The following MSRA variants were observed in gnomAD, a reference collection of about 807,000 sequenced individuals.
MSRA encodes methionine sulfoxide reductase A.
A neutral mutation model predicts 31.3 loss-of-function variants in MSRA; 54 were observed. The observed-to-expected ratio is 1.73, with a 90% confidence interval of 1.39 to 2.17. The LOEUF (loss-of-function observed/expected upper bound fraction) is 2.17, where lower values mean the gene tolerates loss of function less well. MSRA is among the 30% of genes most tolerant of loss of function. The pLI, the probability that MSRA is intolerant of heterozygous loss-of-function variation, is 0.00. For missense variants in MSRA, 507 were observed against 300.9 expected (o/e 1.69, Z -5.07); for synonymous variants, 169 against 116.5 (o/e 1.45, Z -2.90).
intron 1 of MSRA, among the ~76,000 whole-genome samples, chr8:10,185,199 CTG>C (rs146669157): frequency 0.02 from 3,067 of 152,268 alleles, 91 homozygotes; most frequent in African/African-American, 0.068. Flanking sequence ...CAATTGGTGA[CTG>C]AGGGACAGCT....
chr8:10,198,115 G>A (rs982510341), intron 1 of MSRA, among the ~76,000 whole-genome samples: 38 of 151,198 alleles, frequency 2.5e-4, no homozygotes, highest in African/African-American at 9.0e-4. Flanking sequence ...GTTGCTTTCA[G>A]TTTTTTTTTC....
At chr8:10,267,052 G>A (rs1585316362) in intron 3 of MSRA, among the ~76,000 whole-genome samples, 1 of 152,182 alleles carries the variant, frequency 6.6e-6, no homozygotes, top group Non-Finnish European at 1.5e-5. Flanking sequence ...GAACATGGAT[G>A]GAGCAAGAAG....
At chr8:10,173,032 GAA>G (rs1805734698) in intron 1 of MSRA, among the ~76,000 whole-genome samples, 1 of 152,228 alleles carries the variant, frequency 6.6e-6, no homozygotes, top group South Asian at 2.1e-4. Flanking sequence ...TAGGTGGAGA[GAA>G]AGAGAAAGCA....
intron 1 of MSRA, among the ~76,000 whole-genome samples, chr8:10,144,363 C>T (rs921031655): frequency 1.3e-5 from 2 of 151,784 alleles, no homozygotes; most frequent in Non-Finnish European, 2.9e-5. Flanking sequence ...TTTTGAACCT[C>T]TCTGAGTTTC....
chr8:10,352,424 C>A (rs957991710), intron 5 of MSRA, among the ~76,000 whole-genome samples: 37 of 152,062 alleles, frequency 2.4e-4, no homozygotes, highest in Non-Finnish European at 2.9e-5. Context: ...CAGCTTGGGG[C>A]AGGGCAGCAG....
At chr8:10,316,346 C>G (rs1270504054) in intron 4 of MSRA, among the ~76,000 whole-genome samples, 3 of 152,134 alleles carry the variant, frequency 2.0e-5, no homozygotes, top group Non-Finnish European at 4.4e-5. Flanking sequence ...GGCAACCAGC[C>G]TCTCTCTGAG....
chr8:10,353,317 C>T (rs745570619), intron 5 of MSRA, among the ~76,000 whole-genome samples: 13 of 152,186 alleles, frequency 8.5e-5, no homozygotes, highest in East Asian at 3.8e-4. Flanking sequence ...TTCTGTTTAG[C>T]GCACTCACCA....
Position 10,404,318 on chromosome 8 carries a change from A to G in MSRA, c.544-23830A>G, listed in dbSNP as rs989700205. Among the ~76,000 whole-genome samples the G allele has an allele frequency of 1.8e-4, 27 of 152,176 alleles. 1 individual carries two copies. Among genetic ancestry groups the G allele is most frequent in the Middle Eastern group, 3.4e-3 (1 of 294 alleles). On this transcript the variant is annotated intron_variant, in intron 5 of 5. Transcript: ENST00000317173. ...CCCTGGAATCTTTCTTTTCCTGACAACACTAGATGCCTTTCTCCCCAGCCC... is the reference window on the plus strand; with the variant it reads ...CCCTGGAATCTTTCTTTTCCTGACAGCACTAGATGCCTTTCTCCCCAGCCC...
At chr8:10,348,677 C>T (rs1485383243) in intron 5 of MSRA, among the ~76,000 whole-genome samples, 1 of 152,080 alleles carries the variant, frequency 6.6e-6, no homozygotes, top group East Asian at 1.9e-4. Context: ...CCTGGCTTTT[C>T]TTTAGTAGAA....
intron 1 of MSRA, among the ~76,000 whole-genome samples, chr8:10,190,168 G>A (rs1289983642): frequency 6.6e-6 from 1 of 152,142 alleles, no homozygotes. Flanking sequence ...GGGGGTCATT[G>A]CTGGAGGAAG....
At chr8:10,285,078 C>T (rs908134722) in intron 3 of MSRA, among the ~76,000 whole-genome samples, 2 of 151,804 alleles carry the variant, frequency 1.3e-5, no homozygotes, top group Non-Finnish European at 2.9e-5. Flanking sequence ...TACTAACAGC[C>T]ATTTTTAAGT....
chr8:10,324,516 C>T (rs555934118), intron 5 of MSRA, among the ~76,000 whole-genome samples: 2 of 152,266 alleles, frequency 1.3e-5, no homozygotes, highest in South Asian at 4.2e-4. Context: ...GCCTGGAGAC[C>T]ACAGCATGAG....
intron 1 of MSRA, among the ~76,000 whole-genome samples, chr8:10,116,661 A>G (rs1002068286): frequency 2.6e-5 from 4 of 152,150 alleles, no homozygotes; most frequent in African/African-American, 7.2e-5. Context: ...CACACTGGTC[A>G]TTGTAGATTT....
intron 3 of MSRA, among the ~76,000 whole-genome samples, chr8:10,296,368 C>T (rs192172037): frequency 1.3e-5 from 2 of 152,264 alleles, no homozygotes; most frequent in Admixed American, 1.3e-4. Context: ...CAATAGAAAC[C>T]TCGTGTTTGT....
intron 3 of MSRA, among the ~76,000 whole-genome samples, chr8:10,288,271 A>G (rs533957453): frequency 6.6e-6 from 1 of 152,044 alleles, no homozygotes; most frequent in Non-Finnish European, 1.5e-5. Flanking sequence ...CCACAGATAT[A>G]CTATATACCA....
intron 3 of MSRA, among the ~76,000 whole-genome samples, chr8:10,257,745 A>C (rs866693369): frequency 6.6e-6 from 1 of 152,234 alleles, no homozygotes; most frequent in African/African-American, 2.4e-5. Context: ...CTAACTGCTC[A>C]AGGCTTTGAT....
chr8:10,081,850 T>C (rs991846058), intron 1 of MSRA, among the ~76,000 whole-genome samples: 12 of 152,174 alleles, frequency 7.9e-5, no homozygotes, highest in Non-Finnish European at 1.8e-4. Flanking sequence ...CCTCTTGATC[T>C]GCAGTCAAAT....
intron 5 of MSRA, among the ~76,000 whole-genome samples, chr8:10,354,750 G>GTGTGTATATATATA (rs371336632): frequency 1.4e-5 from 2 of 138,404 alleles, no homozygotes; most frequent in African/African-American, 5.5e-5. Context: ...GTGTGTGTGT[G>GTGTGTATATATATA]TATATATATA....
intron 5 of MSRA, among the ~76,000 whole-genome samples, chr8:10,412,115 G>A (rs995653751): frequency 2.6e-5 from 4 of 152,098 alleles, no homozygotes; most frequent in Non-Finnish European, 5.9e-5. Flanking sequence ...CATTTTTTTC[G>A]CCATTCATAA....
Sources: allele counts gnomAD v4.1 joint callset (sites outside exome capture counted in the v4.1 genomes callset), GRCh38; gene constraint gnomAD v4.1.1; transcripts MANE v1.5; gene names NCBI Gene and HGNC (gene_info 2026-07-23, HGNC 2026-07-21).